The following ERGIC1 variants were observed in gnomAD, a reference collection of about 807,000 sequenced individuals.
ERGIC1 encodes the protein endoplasmic reticulum-golgi intermediate compartment 1, also known as endoplasmic reticulum-Golgi intermediate compartment protein 1.
In ERGIC1, 19 loss-of-function variants were observed where a neutral mutation model predicts 38.3. The ratio of observed to expected loss-of-function variants is 0.50; its 90% confidence interval spans 0.35 to 0.73. The LOEUF (loss-of-function observed/expected upper bound fraction) is 0.73, where lower values mean the gene tolerates loss of function less well. Ranked by LOEUF, ERGIC1 falls within the 30% of genes least tolerant of loss-of-function variation. ERGIC1 has a pLI of 0.01. For synonymous variants in ERGIC1, 124 were observed against 157.6 expected (o/e 0.79, Z 1.60); for missense variants, 294 against 389.2 (o/e 0.76, Z 2.06).
chr5:172,916,147 AG>A (rs1484635169), intron 5 of ERGIC1: 1 of 153,234 alleles, frequency 6.5e-6, no homozygotes, highest in East Asian at 1.9e-4. Flanking sequence ...TCTGTCAAGC[AG>A]GGTGGACTTC....
chr5:172,834,585 C>T lies in ERGIC1; in HGVS notation c.20+152C>T, dbSNP rs1351382548. ...CCCCTAGGGACCCCAGGCGAGCCCC[C>T]CCCCTGCCGCACACGAAGCCAGCCA... is the stretch of plus-strand genomic sequence containing the variant. On this transcript the variant is annotated intron_variant, in intron 1 of 9. Coordinates refer to ENST00000393784, the MANE Select transcript of ERGIC1 (RefSeq NM_001031711.3). This position sits in a 1 kb window ranked among gnomAD's most constrained non-coding sequence, Gnocchi z 4.1. The T allele has an allele frequency of 1.1e-5, 8 of 710,520 alleles. No homozygotes were observed. Among genetic ancestry groups the T allele is most frequent in the Non-Finnish European group, 9.4e-6 (5 of 531,206 alleles). 44.0% of individuals were successfully genotyped at this position (710,520 alleles called of 1,614,324 possible).
intron 1 of ERGIC1, among the ~76,000 whole-genome samples, chr5:172,873,622 G>A (rs1316709524): frequency 6.6e-6 from 1 of 152,244 alleles, no homozygotes; most frequent in African/African-American, 2.4e-5. Flanking sequence ...GGAGCTTTGG[G>A]GAGGCCAGGG....
intron 7 of ERGIC1, among the ~76,000 whole-genome samples, chr5:172,931,843 T>C (rs1763780900): frequency 2.0e-5 from 3 of 148,110 alleles, no homozygotes; most frequent in Middle Eastern, 3.5e-3. Flanking sequence ...GAATAGCTGC[T>C]CCTAGCACCC....
chr5:172,909,405 C>T (rs1213879347), intron 3 of ERGIC1, among the ~76,000 whole-genome samples: 1 of 152,044 alleles, frequency 6.6e-6, no homozygotes, highest in Non-Finnish European at 1.5e-5. Context: ...GGTGACCCAC[C>T]CACCTTGACC....
At chr5:172,922,721 G>C (rs1231482198) in intron 5 of ERGIC1, among the ~76,000 whole-genome samples, 1 of 152,284 alleles carries the variant, frequency 6.6e-6, no homozygotes, top group Non-Finnish European at 1.5e-5. Flanking sequence ...CCAGCGGCCA[G>C]ATGTGGCCTG....
At chr5:172,859,575 CTG>C (rs1761645241) in intron 1 of ERGIC1, among the ~76,000 whole-genome samples, 1 of 152,222 alleles carries the variant, frequency 6.6e-6, no homozygotes, top group South Asian at 2.1e-4. Context: ...CAGGATGAAA[CTG>C]GGGCTCAGAG....
intron 1 of ERGIC1, among the ~76,000 whole-genome samples, chr5:172,844,839 C>T (rs792973): frequency 0.19 from 29,620 of 152,116 alleles, 3,053 homozygotes; most frequent in East Asian, 0.34. Context: ...ACACACCCTT[C>T]CTGCACATCC....
intron 1 of ERGIC1, among the ~76,000 whole-genome samples, chr5:172,857,545 T>G (rs897038031): frequency 7.2e-5 from 11 of 151,924 alleles, no homozygotes; most frequent in Admixed American, 3.9e-4. Flanking sequence ...TTCACCGCCC[T>G]GGGACTCAGT....
intron 2 of ERGIC1, among the ~76,000 whole-genome samples, chr5:172,891,590 C>T (rs1479298323): frequency 6.6e-6 from 1 of 151,978 alleles, no homozygotes; most frequent in Admixed American, 6.6e-5. Flanking sequence ...CGGATGCCCA[C>T]CACCATGCCA....
Position 172,868,927 on chromosome 5 carries a change from G to C in ERGIC1, c.21-19772G>C, listed in dbSNP as rs117902247. 1.4e-3 allele frequency among the ~76,000 whole-genome samples: 215 copies of C among 152,382 alleles called. 7 individuals carry two copies. The East Asian group carries it at 0.039, about 28-fold the overall frequency. On this transcript the variant is annotated intron_variant, in intron 1 of 9. Transcript: ENST00000393784. ...CAGGTTCACGATGCACTTGGTGCTTGAGCCACCACAACCCCCAGCAGTGAT... is the reference window on the plus strand; with the variant it reads ...CAGGTTCACGATGCACTTGGTGCTTCAGCCACCACAACCCCCAGCAGTGAT...
At chr5:172,913,844 A>G (rs1763271837) in intron 4 of ERGIC1, among the ~76,000 whole-genome samples, 1 of 152,174 alleles carries the variant, frequency 6.6e-6, no homozygotes, top group African/African-American at 2.4e-5. Context: ...TAGGGCTGGT[A>G]GCATAGGCGA....
chr5:172,888,713 G>A lies in ERGIC1; in HGVS notation c.35G>A (p.Arg12Lys). Residue 12 changes from arginine to lysine, a missense_variant, in exon 2 of 10, where the codon AGG (arginine) becomes AAG (lysine). By Grantham distance (26) the Arg-to-Lys change is conservative. Transcript: ENST00000393784. Reference protein sequence around the residue: ...PFDFRRFDIYRKVPKDLTQPT... With the variant: ...PFDFRRFDIYKKVPKDLTQPT... ...GCTCTCCACAGGTTTGACATCTACA[G>A]GAAGGTGCCCAAGGACCTTACGCAG... 2 of 1,614,104 alleles carry A rather than the reference G, an allele frequency of 1.2e-6. No individual in the cohort carries two copies. The highest frequency in any genetic ancestry group is 1.1e-5 in the South Asian group (1 of 91,080).
chr5:172,877,458 A>ATATATTT (rs58452182), intron 1 of ERGIC1, among the ~76,000 whole-genome samples: 80 of 86,600 alleles, frequency 9.2e-4, no homozygotes, highest in African/African-American at 3.1e-3. Context: ...ATATATATAT[A>ATATATTT]TTTTTTTTTT....
chr5:172,884,757 G>GTTT (rs1391520414), intron 1 of ERGIC1, among the ~76,000 whole-genome samples: 2 of 152,146 alleles, frequency 1.3e-5, no homozygotes, highest in African/African-American at 4.8e-5. Flanking sequence ...CTGCTATTGG[G>GTTT]CTGTTGCTGT....
In ERGIC1 at chr5:172,873,555, C is replaced by T. The variant is rs560044096; in HGVS notation, c.21-15144C>T. ...CGGCCTGCTGTCAGCATGGGCCCTG[C>T]ATGGCACAGGAGAGCAGCGATGAGT... On this transcript the variant is annotated intron_variant, in intron 1 of 9. Transcript: ENST00000393784. 6.6e-5 allele frequency among the ~76,000 whole-genome samples: 10 copies of T among 152,342 alleles called. No homozygotes were observed. In the South Asian group the frequency reaches 2.1e-3, roughly 32 times the overall value.
chr5:172,862,306 T>TCAAAAA (rs1761724602), intron 1 of ERGIC1, among the ~76,000 whole-genome samples: 2 of 2,342 alleles, frequency 8.5e-4, no homozygotes, highest in Non-Finnish European at 2.8e-3. Context: ...AGACTACATC[T>TCAAAAA]CAAAAAAAAA....
chr5:172,839,240 CAAAAAAAAA>C, intron 1 of ERGIC1, among the ~76,000 whole-genome samples: 1 of 71,126 alleles, frequency 1.4e-5, no homozygotes, highest in East Asian at 3.5e-4. Flanking sequence ...GACTCTGTCT[CAAAAAAAAA>C]AAAAAAAAAA....
intron 3 of ERGIC1, among the ~76,000 whole-genome samples, chr5:172,897,428 CAAAAA>C (rs71310033): frequency 4.5e-5 from 5 of 109,962 alleles, no homozygotes; most frequent in Admixed American, 3.9e-4. Context: ...GACCCTGTTT[CAAAAA>C]AAAAAAAAAA....
rs562210939 is a variant in ERGIC1, at chr5:172,879,387, T to A, written c.21-9312T>A. ...AGGAAATCCTATGTTCTCATTGACT[T>A]TTAGCACCGACCTTCCTGTACATTC... On this transcript the variant is annotated intron_variant, in intron 1 of 9. Coordinates refer to ENST00000393784, the MANE Select transcript of ERGIC1 (RefSeq NM_001031711.3). 2.0e-3 allele frequency among the ~76,000 whole-genome samples: 311 copies of A among 152,308 alleles called. 2 individuals carry two copies. The highest frequency in any genetic ancestry group is 7.2e-3 in the African/African-American group (299 of 41,556).
Sources: gnomAD v4.1 joint callset for allele counts (sites outside exome capture counted in the v4.1 genomes callset) on GRCh38, gnomAD v4.1.1 for gene constraint, Gnocchi (gnomAD v3.1) non-coding constraint, MANE v1.5 for transcripts, NCBI Gene and HGNC (gene_info 2026-07-23, HGNC 2026-07-21) for gene names.